Variants in EIPR1 observed in about 807,000 individuals in gnomAD.
The protein encoded by EIPR1 is EARP complex and GARP complex interacting protein 1, also known as EARP and GARP complex-interacting protein 1.
In EIPR1, 25 loss-of-function variants were observed where a neutral mutation model predicts 48.1. The observed-to-expected ratio is 0.52, with a 90% CI of 0.38 to 0.73. The LOEUF is 0.73. Among genes scored for constraint, EIPR1 ranks in the 30% least tolerant of loss-of-function variants. The pLI, the probability that EIPR1 is intolerant of heterozygous loss-of-function variation, is 0.00. For synonymous variants in EIPR1, 204 were observed against 201.9 expected, an observed-to-expected ratio of 1.01 and a Z score of -0.09; for missense variants, 415 against 506.2, an observed-to-expected ratio of 0.82 and a Z score of 1.73.
At chr2:3,349,872 C>T (rs1487615157) in intron 2 of EIPR1, among the ~76,000 whole-genome samples, 2 of 152,088 alleles carry the variant, frequency 1.3e-5, no homozygotes, top group African/African-American at 4.8e-5. Context: ...GCCTGTAATC[C>T]CAGCACTTTG....
At chr2:3,231,740 A>T (rs1666249699) in intron 4 of EIPR1, among the ~76,000 whole-genome samples, 1 of 152,166 alleles carries the variant, frequency 6.6e-6, no homozygotes, top group Non-Finnish European at 1.5e-5. Flanking sequence ...TGGTTTACTA[A>T]TATTTTATCG....
intron 4 of EIPR1, among the ~76,000 whole-genome samples, chr2:3,227,364 A>G (rs1480261092): frequency 6.6e-6 from 1 of 152,240 alleles, no homozygotes; most frequent in South Asian, 2.1e-4. Flanking sequence ...GCTATGCTTT[A>G]GCAAAGAAAC....
chr2:3,262,904 A>G (rs1667377236), intron 3 of EIPR1, among the ~76,000 whole-genome samples: 1 of 152,152 alleles, frequency 6.6e-6, no homozygotes, highest in Non-Finnish European at 1.5e-5. Flanking sequence ...CAAAGTAGAG[A>G]CGGTGCACAC....
chr2:3,299,001 A>C (rs1668681749), intron 3 of EIPR1, among the ~76,000 whole-genome samples: 1 of 152,200 alleles, frequency 6.6e-6, no homozygotes, highest in Admixed American at 6.5e-5. Context: ...GAGAAGGTCC[A>C]GTCCTCTCCC....
chr2:3,196,582 C>T (rs542488005), intron 6 of EIPR1, among the ~76,000 whole-genome samples: 8 of 152,196 alleles, frequency 5.3e-5, no homozygotes, highest in Non-Finnish European at 1.0e-4. Flanking sequence ...GTCCCCATCT[C>T]GCTCAGTGTT....
intron 3 of EIPR1, among the ~76,000 whole-genome samples, chr2:3,294,057 C>G (rs1186149972): frequency 6.6e-6 from 1 of 152,038 alleles, no homozygotes; most frequent in African/African-American, 2.4e-5. Flanking sequence ...TTTTCAAAAT[C>G]AGTAAACAAA....
chr2:3,313,397 G>T (rs1436943706), intron 3 of EIPR1, among the ~76,000 whole-genome samples: 1 of 150,586 alleles, frequency 6.6e-6, no homozygotes, highest in Non-Finnish European at 1.5e-5. Context: ...AAGGCGCACA[G>T]ACCTGAGCAC....
chr2:3,257,200 A>T, intron 4 of EIPR1, 99 bp downstream of exon 4: 1 of 1,315,112 alleles, frequency 7.6e-7, no homozygotes. Context: ...AGCGTTTCCG[A>T]GGTGTGGACG....
intron 5 of EIPR1, among the ~76,000 whole-genome samples, chr2:3,200,664 A>AG (rs529377584): frequency 7.2e-6 from 1 of 138,986 alleles, no homozygotes; most frequent in East Asian, 2.4e-4. Context: ...CGGGGCAGGG[A>AG]GGGGGGCAGG....
intron 5 of EIPR1, among the ~76,000 whole-genome samples, chr2:3,199,909 A>T (rs1308943306): frequency 2.1e-5 from 1 of 47,800 alleles, no homozygotes; most frequent in African/African-American, 8.9e-5. Flanking sequence ...GTGTGTCTGC[A>T]TCTGGGCACA....
At chr2:3,365,324 A>C (rs1236222263) in intron 1 of EIPR1, among the ~76,000 whole-genome samples, 1 of 152,118 alleles carries the variant, frequency 6.6e-6, no homozygotes, top group African/African-American at 2.4e-5. Flanking sequence ...GAGATAAATA[A>C]ATAAATAATA....
At chr2:3,234,240 G>C (rs1364014181) in intron 4 of EIPR1, among the ~76,000 whole-genome samples, 1 of 152,258 alleles carries the variant, frequency 6.6e-6, no homozygotes, top group African/African-American at 2.4e-5. Context: ...ATTGTGGTTT[G>C]TGTCGCTCAA....
At chr2:3,324,195 G>A (rs773513011) in intron 3 of EIPR1, among the ~76,000 whole-genome samples, 3 of 152,154 alleles carry the variant, frequency 2.0e-5, no homozygotes, top group East Asian at 1.9e-4. Flanking sequence ...GGCACTGCAC[G>A]AGCGACATGT....
intron 3 of EIPR1, among the ~76,000 whole-genome samples, chr2:3,290,634 G>A (rs1160543989): frequency 6.6e-6 from 1 of 152,166 alleles, no homozygotes; most frequent in African/African-American, 2.4e-5. Context: ...GTATGCCATG[G>A]CTCTCTAAAG....
chr2:3,208,617 A>T, intron 5 of EIPR1: 1 of 1,550,630 alleles, frequency 6.4e-7, no homozygotes. Flanking sequence ...CTGTTGAATG[A>T]ATTTGGCCAT....
intron 4 of EIPR1, among the ~76,000 whole-genome samples, chr2:3,256,331 T>C (rs1446186167): frequency 6.6e-6 from 1 of 152,080 alleles, no homozygotes; most frequent in Non-Finnish European, 1.5e-5. Context: ...GGCCACAGCG[T>C]ACAGTTCGTA....
intron 3 of EIPR1, among the ~76,000 whole-genome samples, chr2:3,331,318 C>T (rs1669898997): frequency 1.5e-5 from 1 of 65,726 alleles, no homozygotes; most frequent in Non-Finnish European, 2.7e-5. Flanking sequence ...TCAGCAGAGG[C>T]AGGTGTGTAT....
chr2:3,354,725 T>G, intron 1 of EIPR1, 92 bp from the exon 2 acceptor site: 1 of 1,249,866 alleles, frequency 8.0e-7, no homozygotes, highest in South Asian at 1.3e-5. Context: ...TTATCTCATC[T>G]ACTGTTGATA....
chr2:3,307,660 G>A (rs1668989475), intron 3 of EIPR1, among the ~76,000 whole-genome samples: 1 of 152,236 alleles, frequency 6.6e-6, no homozygotes, highest in Non-Finnish European at 1.5e-5. Flanking sequence ...CTCCTGGAGG[G>A]AGAGAGTAGA....
Sources: allele counts gnomAD v4.1 joint callset (sites outside exome capture counted in the v4.1 genomes callset), GRCh38; gene constraint gnomAD v4.1.1; transcripts MANE v1.5; gene names NCBI Gene and HGNC (gene_info 2026-07-23, HGNC 2026-07-21).